The following DNM3 variants were observed in gnomAD, a reference collection of about 807,000 sequenced individuals.
The protein encoded by DNM3 is dynamin-3.
In DNM3, 47 loss-of-function variants were observed where a neutral mutation model predicts 101.6. The observed-to-expected ratio is 0.46, with a 90% CI of 0.37 to 0.59. The LOEUF is 0.59. Among genes scored for constraint, DNM3 ranks in the 20% least tolerant of loss-of-function variants. The probability of loss-of-function intolerance (pLI) is 0.00; values close to 1 mark genes in which losing one functional copy is unlikely to be tolerated. For missense variants in DNM3, 849 were observed against 1,085.7 expected (o/e 0.78, Z 3.06); for synonymous variants, 385 against 387.9 (o/e 0.99, Z 0.09).
chr1:172,216,754 T>C (rs905043845), intron 14 of DNM3, among the ~76,000 whole-genome samples: 2 of 149,252 alleles, frequency 1.3e-5, no homozygotes, highest in Non-Finnish European at 3.0e-5. Context: ...CACACACACA[T>C]GCACACACAC....
chr1:171,943,927 C>T (rs1320371237), intron 2 of DNM3, among the ~76,000 whole-genome samples: 1 of 151,922 alleles, frequency 6.6e-6, no homozygotes, highest in Non-Finnish European at 1.5e-5. Context: ...TAATCATTTC[C>T]CCTATGAATG....
At chr1:172,216,562 A>C (rs1407934338) in intron 14 of DNM3, among the ~76,000 whole-genome samples, 1 of 152,154 alleles carries the variant, frequency 6.6e-6, no homozygotes, top group African/African-American at 2.4e-5. Context: ...TTAAATTCAA[A>C]AGGTTACTTG....
intron 17 of DNM3, among the ~76,000 whole-genome samples, chr1:172,325,524 C>G (rs937189749): frequency 1.9e-5 from 2 of 106,544 alleles, no homozygotes; most frequent in Admixed American, 8.6e-5. Context: ...ACCATAGACT[C>G]TGGCATAAAA....
chr1:171,850,109 A>G (rs988406196), intron 1 of DNM3, among the ~76,000 whole-genome samples: 2 of 152,338 alleles, frequency 1.3e-5, no homozygotes, highest in East Asian at 3.9e-4. Flanking sequence ...AAGCAGGACT[A>G]CTTAGCAAGA....
intron 20 of DNM3, chr1:172,389,064 T>C (rs2069371072): frequency 2.0e-6 from 1 of 508,978 alleles, no homozygotes; most frequent in Non-Finnish European, 3.5e-6. Flanking sequence ...TCCCAATGAA[T>C]GACATTTTGG....
chr1:172,276,067 T>A (rs2063273399), intron 15 of DNM3, among the ~76,000 whole-genome samples: 1 of 152,098 alleles, frequency 6.6e-6, no homozygotes, highest in Non-Finnish European at 1.5e-5. Context: ...TTTTTAAAAA[T>A]AGAATGGGCA....
At chr1:172,125,500 A>G (rs1235592969) in intron 13 of DNM3, among the ~76,000 whole-genome samples, 1 of 152,176 alleles carries the variant, frequency 6.6e-6, no homozygotes, top group East Asian at 1.9e-4. Context: ...AACAGAACAC[A>G]TATTCTCTTA....
intron 15 of DNM3, among the ~76,000 whole-genome samples, chr1:172,307,891 GGGATA>G: frequency 6.6e-6 from 1 of 152,024 alleles, no homozygotes; most frequent in South Asian, 2.1e-4. Context: ...GGCTGGGGGA[GGGATA>G]GCATGAGGAG....
chr1:172,185,471 G>GT (rs2059490473), intron 14 of DNM3, among the ~76,000 whole-genome samples: 1 of 152,086 alleles, frequency 6.6e-6, no homozygotes, highest in Non-Finnish European at 1.5e-5. Context: ...CATTGTGGGT[G>GT]GGGTGCATTT....
intron 14 of DNM3, among the ~76,000 whole-genome samples, chr1:172,158,388 A>C (rs999613819): frequency 3.3e-5 from 5 of 152,020 alleles, no homozygotes; most frequent in African/African-American, 1.2e-4. Flanking sequence ...AAACAGAGAG[A>C]CCATGAAGAA....
chr1:172,005,192 T>C (rs2046606319), intron 4 of DNM3, among the ~76,000 whole-genome samples: 1 of 152,104 alleles, frequency 6.6e-6, no homozygotes, highest in South Asian at 2.1e-4. Context: ...AATGGAATAA[T>C]AATAATACCT....
chr1:172,323,244 A>G, intron 16 of DNM3, 85 bp from the exon 17 acceptor site: 2 of 1,364,986 alleles, frequency 1.5e-6, no homozygotes, highest in East Asian at 5.0e-5. Context: ...TATCCAGAGA[A>G]AGTAGAAGAA....
intron 14 of DNM3, among the ~76,000 whole-genome samples, chr1:172,213,827 C>CA (rs879375846): frequency 0.015 from 1,859 of 121,386 alleles, 44 homozygotes; most frequent in African/African-American, 0.05. Flanking sequence ...GACTCTGTCT[C>CA]AAAAAAAAAA....
At chr1:172,093,673 C>T in intron 13 of DNM3, 1 of 1,599,210 alleles carries the variant, frequency 6.3e-7, no homozygotes, top group African/African-American at 1.3e-5. Flanking sequence ...TGAACTAAAG[C>T]ATATAATTCT....
At chr1:172,231,975 C>T (rs916156287) in intron 14 of DNM3, among the ~76,000 whole-genome samples, 61 of 152,138 alleles carry the variant, frequency 4.0e-4, no homozygotes, top group Non-Finnish European at 7.2e-4. Context: ...GACTGGTGTA[C>T]CTGAAAGTGA....
intron 4 of DNM3, among the ~76,000 whole-genome samples, chr1:172,016,494 G>A (rs1355171377): frequency 2.6e-5 from 4 of 152,124 alleles, no homozygotes; most frequent in Non-Finnish European, 5.9e-5. Flanking sequence ...TACATTGTTG[G>A]ACTTGACTTA....
At chr1:172,405,547 A>G (rs1485676881) in intron 20 of DNM3, among the ~76,000 whole-genome samples, 8 of 152,058 alleles carry the variant, frequency 5.3e-5, no homozygotes, top group Non-Finnish European at 8.8e-5. Flanking sequence ...CATATTCATG[A>G]AACGATTTCC....
chr1:172,362,927 C>T (rs1332041380), intron 17 of DNM3, among the ~76,000 whole-genome samples: 1 of 151,800 alleles, frequency 6.6e-6, no homozygotes, highest in Non-Finnish European at 1.5e-5. Flanking sequence ...GCTTTTTTAT[C>T]TAAAGTAGCC....
rs55642884 is a variant in DNM3, at chr1:172,119,987, G to A, written c.1546-11188G>A. Among the ~76,000 whole-genome samples the A allele has an allele frequency of 2.4e-3, 360 of 152,036 alleles. 1 individual carries two copies. The highest frequency in any genetic ancestry group is 3.9e-3 in the Non-Finnish European group (265 of 68,012). ...CAAAGTTATCATCATTTTTAATGTC[G>A]GATTCTGCAATAGTCAACTATCAAT... On this transcript the variant is annotated intron_variant, in intron 13 of 20. Transcript: ENST00000627582.
Sources: allele counts gnomAD v4.1 joint callset (sites outside exome capture counted in the v4.1 genomes callset), GRCh38; gene constraint gnomAD v4.1.1; transcripts MANE v1.5; gene names NCBI Gene and HGNC (gene_info 2026-07-23, HGNC 2026-07-21).